PRR5L: variants seen among roughly 807,000 people sequenced by gnomAD.
PRR5L encodes proline rich 5 like, also known as proline-rich protein 5-like.
A neutral mutation model predicts 36.4 loss-of-function variants in PRR5L; 21 were observed. That is an observed-to-expected ratio of 0.58 (90% confidence interval 0.41 to 0.83). PRR5L has a LOEUF of 0.83. Among genes scored for constraint, PRR5L ranks in the 40% least tolerant of loss-of-function variants. The probability of loss-of-function intolerance (pLI) is 0.00; values close to 1 mark genes in which losing one functional copy is unlikely to be tolerated. For missense variants in PRR5L, 381 were observed against 473.3 expected (o/e 0.80, Z 1.81); for synonymous variants, 188 against 197.0 (o/e 0.95, Z 0.38).
At chr11:36,330,844 T>C (rs1348621210) in intron 1 of PRR5L, among the ~76,000 whole-genome samples, 2 of 152,190 alleles carry the variant, frequency 1.3e-5, no homozygotes, top group Non-Finnish European at 2.9e-5. Flanking sequence ...TTCACTCTTG[T>C]TGTGTAGGCC....
At chr11:36,345,791 T>C (rs955773927) in intron 1 of PRR5L, among the ~76,000 whole-genome samples, 3 of 152,214 alleles carry the variant, frequency 2.0e-5, no homozygotes, top group Non-Finnish European at 4.4e-5. Flanking sequence ...TAACAGCAGA[T>C]GCTCCGGGAA....
At chr11:36,448,403 G>C (rs1414166098) in intron 7 of PRR5L, among the ~76,000 whole-genome samples, 1 of 152,080 alleles carries the variant, frequency 6.6e-6, no homozygotes, top group African/African-American at 2.4e-5. Flanking sequence ...CCTGGAACCT[G>C]ACTTACTCAC....
At chr11:36,314,182 G>A (rs1424099804) in intron 1 of PRR5L, among the ~76,000 whole-genome samples, 1 of 152,118 alleles carries the variant, frequency 6.6e-6, no homozygotes, top group Non-Finnish European at 1.5e-5. Flanking sequence ...GTACTAAAGA[G>A]GACCTAATTC....
At chr11:36,391,760 G>A (rs1418113496) in intron 1 of PRR5L, among the ~76,000 whole-genome samples, 1 of 152,188 alleles carries the variant, frequency 6.6e-6, no homozygotes, top group Non-Finnish European at 1.5e-5. Context: ...GGCATGCAAT[G>A]CATAATAATC....
intron 6 of PRR5L, 30 bp from the exon 7 acceptor site, chr11:36,446,270 T>A (rs1041716699): frequency 6.2e-7 from 1 of 1,610,116 alleles, no homozygotes; most frequent in Non-Finnish European, 8.5e-7. Flanking sequence ...AGCTCTCACC[T>A]CCCGGCCCTC....
chr11:36,303,663 A>T (rs1379946408), intron 1 of PRR5L, among the ~76,000 whole-genome samples: 4 of 152,096 alleles, frequency 2.6e-5, no homozygotes, highest in African/African-American at 9.7e-5. Flanking sequence ...CAACTCACTA[A>T]CCTGCCATTA....
intron 3 of PRR5L, among the ~76,000 whole-genome samples, chr11:36,416,718 C>T (rs751098120): frequency 6.6e-6 from 1 of 152,150 alleles, no homozygotes; most frequent in Admixed American, 6.5e-5. Context: ...GGACACTCTG[C>T]AGAATTCTGG....
chr11:36,321,628 G>A (rs1565385894), intron 1 of PRR5L: 3 of 152,248 alleles, frequency 2.0e-5, no homozygotes, highest in Admixed American at 6.5e-5. Flanking sequence ...GATTGGCAAA[G>A]GTTAGGCATC....
At chr11:36,415,556 CA>C (rs1350462973) in intron 3 of PRR5L, among the ~76,000 whole-genome samples, 1 of 152,128 alleles carries the variant, frequency 6.6e-6, no homozygotes, top group Non-Finnish European at 1.5e-5. Flanking sequence ...TCAGTCTGCC[CA>C]AAAGGGTGAA....
In PRR5L at chr11:36,401,231, G is replaced by A. The variant is rs566415633; in HGVS notation, c.110G>A (p.Arg37Gln). The A allele has an allele frequency of 8.1e-6, 13 of 1,613,800 alleles. No homozygotes were observed. In the South Asian group the frequency reaches 1.3e-4, roughly 16 times the overall value. Reference protein sequence around the residue: ...MSSPVLSDLPRFQAARQALQL... With the variant: ...MSSPVLSDLPQFQAARQALQL... Reference sequence around the variant, plus strand: ...TCCCCCGTGCTCAGCGACCTTCCCCGATTCCAAGCAGCTCGGCAGGCTCTG... The same window carrying A: ...TCCCCCGTGCTCAGCGACCTTCCCCAATTCCAAGCAGCTCGGCAGGCTCTG... Residue 37 changes from arginine to glutamine, a missense_variant, in exon 2 of 9, where the codon CGA becomes CAA. Transcript: ENST00000530639.
chr11:36,387,005 G>T (rs1171234216), intron 1 of PRR5L, among the ~76,000 whole-genome samples: 2 of 152,144 alleles, frequency 1.3e-5, no homozygotes, highest in African/African-American at 4.8e-5. Flanking sequence ...ATGGGCTGGC[G>T]CAGGGGCAGG....
At chr11:36,335,956 A>G (rs1856764754) in intron 1 of PRR5L, among the ~76,000 whole-genome samples, 1 of 152,226 alleles carries the variant, frequency 6.6e-6, no homozygotes, top group African/African-American at 2.4e-5. Flanking sequence ...CGCAGAACAT[A>G]GTCAAAGGAG....
chr11:36,365,470 G>A (rs1857135348), intron 1 of PRR5L, among the ~76,000 whole-genome samples: 1 of 152,092 alleles, frequency 6.6e-6, no homozygotes, highest in Non-Finnish European at 1.5e-5. Context: ...TCCTTAAGCT[G>A]TTAATAGTAT....
intron 6 of PRR5L, among the ~76,000 whole-genome samples, chr11:36,444,931 T>G (rs1057022989): frequency 1.6e-4 from 25 of 152,220 alleles, no homozygotes; most frequent in Admixed American, 1.6e-3. Flanking sequence ...TGTCCATCAA[T>G]CCATCCAACA....
intron 1 of PRR5L, among the ~76,000 whole-genome samples, chr11:36,320,761 A>G (rs1856607251): frequency 6.6e-6 from 1 of 152,226 alleles, no homozygotes; most frequent in East Asian, 1.9e-4. Context: ...TTACTGTGCA[A>G]CATTAAACAA....
chr11:36,300,711 C>T (rs1199664601), intron 1 of PRR5L, among the ~76,000 whole-genome samples: 1 of 152,030 alleles, frequency 6.6e-6, no homozygotes, highest in Non-Finnish European at 1.5e-5. Flanking sequence ...TAAAGAAGCC[C>T]AAGCCTGTCA....
intron 8 of PRR5L, chr11:36,454,723 G>A (rs997462387): frequency 1.3e-5 from 2 of 152,314 alleles, no homozygotes; most frequent in Non-Finnish European, 2.9e-5. Flanking sequence ...GTTTATTCCC[G>A]GGGCTCCGCA....
intron 1 of PRR5L, chr11:36,386,461 T>A (rs1857458097): frequency 6.6e-6 from 1 of 152,244 alleles, no homozygotes; most frequent in Non-Finnish European, 1.5e-5. Flanking sequence ...CATCAGACAC[T>A]GAACAAGTAA....
At chr11:36,375,197 C>G (rs1253857910) in intron 1 of PRR5L, among the ~76,000 whole-genome samples, 1 of 150,898 alleles carries the variant, frequency 6.6e-6, no homozygotes, top group African/African-American at 2.4e-5. Context: ...GATCATGCCA[C>G]TGCACTCCAG....
Sources: allele counts gnomAD v4.1 joint callset (sites outside exome capture counted in the v4.1 genomes callset), GRCh38; gene constraint gnomAD v4.1.1; transcripts MANE v1.5; gene names NCBI Gene and HGNC (gene_info 2026-07-23, HGNC 2026-07-21).